Variants in VPS41 observed in about 807,000 individuals in gnomAD.
VPS41 encodes the protein vacuolar protein sorting-associated protein 41 homolog.
In VPS41, 85 loss-of-function variants were observed where a neutral mutation model predicts 130.9. The ratio of observed to expected loss-of-function variants is 0.65; its 90% confidence interval spans 0.55 to 0.78. The LOEUF (loss-of-function observed/expected upper bound fraction) is 0.78. Ranked by LOEUF, VPS41 falls within the 30% of genes least tolerant of loss-of-function variation. The pLI, the probability that VPS41 is intolerant of heterozygous loss-of-function variation, is 0.00. For missense variants in VPS41, 874 were observed against 1,018.7 expected, an observed-to-expected ratio of 0.86 and a Z score of 1.93; for synonymous variants, 335 against 332.9, an observed-to-expected ratio of 1.01 and a Z score of -0.07.
chr7:38,738,713 T>C (rs1280067930), intron 25 of VPS41, among the ~76,000 whole-genome samples: 1 of 152,218 alleles, frequency 6.6e-6, no homozygotes, highest in Non-Finnish European at 1.5e-5. Context: ...AAATCAGGCC[T>C]AGGAACATTT....
At chr7:38,732,204 G>A (rs1338974513) in intron 25 of VPS41, among the ~76,000 whole-genome samples, 1 of 152,144 alleles carries the variant, frequency 6.6e-6, no homozygotes, top group Non-Finnish European at 1.5e-5. Context: ...TCCTGTTAAT[G>A]CATGCTGAGG....
chr7:38,805,133 G>C (rs1784813856), intron 7 of VPS41, among the ~76,000 whole-genome samples: 1 of 152,200 alleles, frequency 6.6e-6, no homozygotes, highest in Non-Finnish European at 1.5e-5. Context: ...GAAAATCCTT[G>C]CACAGTGAGT....
chr7:38,734,050 C>T (rs910218185), intron 25 of VPS41, among the ~76,000 whole-genome samples: 7 of 152,100 alleles, frequency 4.6e-5, no homozygotes, highest in Admixed American at 3.3e-4. Flanking sequence ...TGCACCACTG[C>T]CATGCTCCAG....
At chr7:38,833,247 T>C (rs1472107075) in intron 4 of VPS41, among the ~76,000 whole-genome samples, 1 of 152,240 alleles carries the variant, frequency 6.6e-6, no homozygotes, top group Admixed American at 6.5e-5. Flanking sequence ...ACTAGGTGAC[T>C]TTCTCCTGCC....
At chr7:38,830,380 A>G (rs781292229) in intron 4 of VPS41, 52 bp from the exon 5 acceptor site, 1 of 1,041,862 alleles carries the variant, frequency 9.6e-7, no homozygotes, top group South Asian at 1.3e-5. Context: ...AATATATATC[A>G]ACAATCAATG....
chr7:38,762,907 G>C (rs530102521), intron 17 of VPS41, among the ~76,000 whole-genome samples: 5 of 152,090 alleles, frequency 3.3e-5, no homozygotes, highest in South Asian at 2.1e-4. Context: ...AAGTGTTCCA[G>C]ATATGAAATC....
At chr7:38,749,285 C>T (rs1196677058) in intron 22 of VPS41, among the ~76,000 whole-genome samples, 1 of 152,096 alleles carries the variant, frequency 6.6e-6, no homozygotes, top group Non-Finnish European at 1.5e-5. Flanking sequence ...TTGAAGATTT[C>T]AATCAGTTGC....
intron 17 of VPS41, 150 bp from the exon 18 acceptor site, chr7:38,758,631 G>T: frequency 3.7e-6 from 3 of 806,606 alleles, no homozygotes; most frequent in Non-Finnish European, 5.7e-6. Context: ...CTTCTTGTAT[G>T]CTAATGAGCT....
chr7:38,894,433 G>A (rs1048853358), intron 2 of VPS41, among the ~76,000 whole-genome samples: 4 of 151,732 alleles, frequency 2.6e-5, no homozygotes, highest in African/African-American at 4.8e-5. Context: ...TAGAGGCAGC[G>A]GGGGGCACGG....
chr7:38,899,903 T>G (rs895527550), intron 1 of VPS41, among the ~76,000 whole-genome samples: 2 of 152,064 alleles, frequency 1.3e-5, no homozygotes, highest in Non-Finnish European at 1.5e-5. Flanking sequence ...TCCACTCAAG[T>G]ATGCACATGA....
intron 4 of VPS41, among the ~76,000 whole-genome samples, chr7:38,843,824 A>G (rs1785666010): frequency 6.6e-6 from 1 of 152,242 alleles, no homozygotes; most frequent in Non-Finnish European, 1.5e-5. Flanking sequence ...AACTTGAGAA[A>G]TAATTAGGAA....
intron 4 of VPS41, among the ~76,000 whole-genome samples, chr7:38,837,597 C>T (rs1238384318): frequency 6.6e-6 from 1 of 152,192 alleles, no homozygotes; most frequent in Non-Finnish European, 1.5e-5. Context: ...GTCTCCTACC[C>T]ATCAAACATG....
At chr7:38,759,776 A>G (rs972140983) in intron 17 of VPS41, among the ~76,000 whole-genome samples, 2 of 152,142 alleles carry the variant, frequency 1.3e-5, no homozygotes, top group African/African-American at 2.4e-5. Flanking sequence ...CAAGTCAGCT[A>G]CTTTCCCCAC....
chr7:38,845,788 T>C (rs988007335), intron 4 of VPS41, among the ~76,000 whole-genome samples: 1 of 152,234 alleles, frequency 6.6e-6, no homozygotes, highest in Non-Finnish European at 1.5e-5. Flanking sequence ...AACACTGCAT[T>C]TGGTTCTGAT....
chr7:38,842,948 T>C (rs1004386259), intron 4 of VPS41, among the ~76,000 whole-genome samples: 1 of 152,162 alleles, frequency 6.6e-6, no homozygotes, highest in Non-Finnish European at 1.5e-5. Context: ...GCATCTGGCA[T>C]AGAAAAGCTC....
chr7:38,842,521 T>C (rs1411262836), intron 4 of VPS41, among the ~76,000 whole-genome samples: 1 of 152,226 alleles, frequency 6.6e-6, no homozygotes, highest in East Asian at 1.9e-4. Context: ...CCTTTCATCC[T>C]CATTCGAATA....
At chr7:38,759,636 A>G (rs1783873017) in intron 17 of VPS41, among the ~76,000 whole-genome samples, 1 of 152,160 alleles carries the variant, frequency 6.6e-6, no homozygotes, top group Non-Finnish European at 1.5e-5. Flanking sequence ...TACGAAATGT[A>G]CAACTAAGAA....
At chr7:38,796,404 C>T (rs1422076932) in intron 8 of VPS41, 1 of 465,144 alleles carries the variant, frequency 2.1e-6, no homozygotes, top group Middle Eastern at 3.2e-4. Flanking sequence ...TTCATATCAA[C>T]TCTTACTTGC....
chr7:38,862,661 A>C, intron 3 of VPS41, 39 bp from the exon 4 acceptor site: 2 of 1,237,512 alleles, frequency 1.6e-6, no homozygotes, highest in Non-Finnish European at 2.3e-6. Flanking sequence ...TTAATTAATA[A>C]TACTATTAAT....
Sources: allele counts gnomAD v4.1 joint callset (sites outside exome capture counted in the v4.1 genomes callset), GRCh38; gene constraint gnomAD v4.1.1; transcripts MANE v1.5; gene names NCBI Gene and HGNC (gene_info 2026-07-23, HGNC 2026-07-21).